PCSK2: variants seen among roughly 807,000 people sequenced by gnomAD.
PCSK2 encodes the protein proprotein convertase subtilisin/kexin type 2.
In PCSK2, 14 loss-of-function variants were observed where a neutral mutation model predicts 69.7. That is an observed-to-expected ratio of 0.20 (90% CI 0.13 to 0.31). PCSK2 has a LOEUF of 0.31. PCSK2 is among the 10% of genes least tolerant of loss of function. The probability of loss-of-function intolerance (pLI) is 1.00; values close to 1 mark genes in which losing one functional copy is unlikely to be tolerated. For synonymous variants in PCSK2, 307 were observed against 320.7 expected (o/e 0.96, Z 0.46); for missense variants, 544 against 842.5 (o/e 0.65, Z 4.39).
chr20:17,263,131 A>G, intron 2 of PCSK2: 1 of 985,050 alleles, frequency 1.0e-6, no homozygotes, highest in South Asian at 4.7e-5. Flanking sequence ...CCCAAGAAAT[A>G]AAAAAGAAAA....
chr20:17,471,214 A>T (rs1280686116), intron 11 of PCSK2, among the ~76,000 whole-genome samples: 1 of 152,202 alleles, frequency 6.6e-6, no homozygotes, highest in Non-Finnish European at 1.5e-5. Context: ...ATTCCATCAT[A>T]ATCTGCATAC....
intron 8 of PCSK2, among the ~76,000 whole-genome samples, chr20:17,445,714 A>G (rs930771354): frequency 2.4e-4 from 36 of 152,228 alleles, no homozygotes; most frequent in African/African-American, 8.7e-4. Flanking sequence ...CTGGCAGACG[A>G]TGAATGCCTC....
intron 6 of PCSK2, among the ~76,000 whole-genome samples, chr20:17,418,577 A>C (rs1278019029): frequency 6.6e-6 from 1 of 152,192 alleles, no homozygotes; most frequent in Non-Finnish European, 1.5e-5. Flanking sequence ...TGGTTGGGTC[A>C]GAAACTGGGC....
intron 2 of PCSK2, among the ~76,000 whole-genome samples, chr20:17,276,748 C>T (rs1181101937): frequency 1.3e-5 from 2 of 152,198 alleles, no homozygotes; most frequent in African/African-American, 4.8e-5. Flanking sequence ...AAATAAAGGG[C>T]ATTCAATCAG....
At chr20:17,350,223 C>T (rs1157566834) in intron 2 of PCSK2, among the ~76,000 whole-genome samples, 1 of 149,844 alleles carries the variant, frequency 6.7e-6, no homozygotes, top group Non-Finnish European at 1.5e-5. Context: ...AGGTTAGCGC[C>T]TTAATATATC....
At chr20:17,415,131 G>A (rs138459047) in intron 6 of PCSK2, among the ~76,000 whole-genome samples, 4,644 of 152,168 alleles carry the variant, frequency 0.031, 96 homozygotes, top group African/African-American at 0.05. Context: ...AGCACAAGAC[G>A]AGGATGCCCT....
intron 5 of PCSK2, among the ~76,000 whole-genome samples, chr20:17,369,853 T>C (rs2030705809): frequency 6.6e-6 from 1 of 152,246 alleles, no homozygotes; most frequent in Non-Finnish European, 1.5e-5. Flanking sequence ...TGACTCACAT[T>C]GCAGCCCCAG....
At chr20:17,313,155 A>T (rs920309651) in intron 2 of PCSK2, among the ~76,000 whole-genome samples, 1 of 152,190 alleles carries the variant, frequency 6.6e-6, no homozygotes, top group African/African-American at 2.4e-5. Flanking sequence ...TCAACACATG[A>T]TCAATATTCT....
intron 11 of PCSK2, among the ~76,000 whole-genome samples, chr20:17,475,483 G>T (rs2284918): frequency 6.6e-6 from 1 of 151,962 alleles, no homozygotes; most frequent in Non-Finnish European, 1.5e-5. Flanking sequence ...CTCTTTTCAC[G>T]TAGCGAAGGA....
At position 17,335,857 on chromosome 20, in the gene PCSK2, GGTGTGT is replaced by G. The variant is rs3138653; in HGVS notation, c.283-22439_283-22434del. ...TTTTTCTGGCTGAGTAGTAGTCCAT[GGTGTGT>G]GTGTGTGTGTGTGTGTGTGTGTGTG... On this transcript the variant is annotated intron_variant, in intron 2 of 11. Coordinates refer to ENST00000262545, the MANE Select transcript of PCSK2 (RefSeq NM_002594.5). Among the ~76,000 whole-genome samples the G allele has an allele frequency of 1.1e-3, 161 of 142,808 alleles. 1 individual carries two copies. The South Asian group carries it at 0.012, about 11-fold the overall frequency. 93.7% of individuals were successfully genotyped at this position (142,808 alleles called of 152,430 possible). A position where few individuals can be genotyped will look rare whatever the true frequency, so the allele number is the denominator to read the frequency against.
chr20:17,318,770 A>G (rs1229392397), intron 2 of PCSK2, among the ~76,000 whole-genome samples: 1 of 152,224 alleles, frequency 6.6e-6, no homozygotes, highest in African/African-American at 2.4e-5. Flanking sequence ...GCAGCTTTGA[A>G]TAAGCTACAG....
chr20:17,266,733 A>G (rs545762030), intron 2 of PCSK2, among the ~76,000 whole-genome samples: 1 of 152,302 alleles, frequency 6.6e-6, no homozygotes, highest in East Asian at 1.9e-4. Flanking sequence ...CAGGAAACTC[A>G]GAAACAGGGG....
At chr20:17,300,393 GTTCCCCAGAGGTCCTTGCCCA>G (rs1299080921) in intron 2 of PCSK2, among the ~76,000 whole-genome samples, 18 of 152,350 alleles carry the variant, frequency 1.2e-4, no homozygotes, top group Non-Finnish European at 2.4e-4. Flanking sequence ...GCATAGATGG[GTTCCCCAGAGGTCCTTGCCCA>G]TTCCCCAGAG....
At chr20:17,330,995 A>T (rs1413462425) in intron 2 of PCSK2, among the ~76,000 whole-genome samples, 1 of 152,250 alleles carries the variant, frequency 6.6e-6, no homozygotes, top group African/African-American at 2.4e-5. Context: ...AGAACAGATC[A>T]CATGGCCTTC....
intron 2 of PCSK2, among the ~76,000 whole-genome samples, chr20:17,288,940 C>T (rs1241043794): frequency 1.3e-5 from 2 of 152,144 alleles, no homozygotes; most frequent in African/African-American, 4.8e-5. Context: ...GTGAAGCTAT[C>T]CCAAAAGGCT....
intron 5 of PCSK2, among the ~76,000 whole-genome samples, chr20:17,372,162 G>A (rs111260546): frequency 0.062 from 9,492 of 152,062 alleles, 481 homozygotes; most frequent in African/African-American, 0.14. Flanking sequence ...GGTGGATCAC[G>A]AGGTCAGGAG....
intron 4 of PCSK2, among the ~76,000 whole-genome samples, chr20:17,361,070 T>G (rs933254632): frequency 6.6e-6 from 1 of 152,246 alleles, no homozygotes; most frequent in African/African-American, 2.4e-5. Context: ...TGTAAAATTT[T>G]ATTTCAATTC....
intron 8 of PCSK2, among the ~76,000 whole-genome samples, chr20:17,445,196 C>G (rs2032674981): frequency 6.6e-6 from 1 of 152,210 alleles, no homozygotes; most frequent in Non-Finnish European, 1.5e-5. Context: ...TTATGGGACA[C>G]AGCATCTTAT....
chr20:17,287,369 T>C (rs925689558), intron 2 of PCSK2, among the ~76,000 whole-genome samples: 2 of 150,360 alleles, frequency 1.3e-5, no homozygotes, highest in East Asian at 1.9e-4. Context: ...GAAAAATACT[T>C]GCAAATATTT....
Sources: gnomAD v4.1 joint callset for allele counts (sites outside exome capture counted in the v4.1 genomes callset) on GRCh38, gnomAD v4.1.1 for gene constraint, MANE v1.5 for transcripts, NCBI Gene and HGNC (gene_info 2026-07-23, HGNC 2026-07-21) for gene names.